Variants in PDIA6 observed in about 807,000 individuals in gnomAD.
PDIA6 encodes the protein protein disulfide isomerase family A member 6, also known as protein disulfide-isomerase A6.
Under a neutral mutation model 58.4 loss-of-function variants are expected in PDIA6, and 29 were observed. The observed-to-expected ratio is 0.50, with a 90% CI of 0.37 to 0.68. The LOEUF (loss-of-function observed/expected upper bound fraction) is 0.68. Ranked by LOEUF, PDIA6 falls within the 30% of genes least tolerant of loss-of-function variation. PDIA6 has a pLI of 0.00. For missense variants in PDIA6, 480 were observed against 551.0 expected (o/e 0.87, Z 1.29); for synonymous variants, 192 against 202.6 (o/e 0.95, Z 0.44).
chr2:10,815,910 C>T (rs917183966), upstream of PDIA6, among the ~76,000 whole-genome samples: 4 of 151,990 alleles, frequency 2.6e-5, no homozygotes, highest in Admixed American at 6.6e-5. Flanking sequence ...AGAACCATCC[C>T]CACTAATCAT....
chr2:10,801,813 T>C (rs1490448103), intron 2 of PDIA6, among the ~76,000 whole-genome samples: 1 of 152,232 alleles, frequency 6.6e-6, no homozygotes, highest in African/African-American at 2.4e-5. Context: ...CCCATCAGGT[T>C]CTAATATCCC....
chr2:10,814,394 T>C (rs1045662090), upstream of PDIA6, among the ~76,000 whole-genome samples: 1 of 152,140 alleles, frequency 6.6e-6, no homozygotes, highest in African/African-American at 2.4e-5. Flanking sequence ...GGGCAGCTCC[T>C]CCTGAATGTG....
chr2:10,814,008 A>G (rs1331134756), upstream of PDIA6, among the ~76,000 whole-genome samples: 1 of 150,314 alleles, frequency 6.7e-6, no homozygotes, highest in Non-Finnish European at 1.5e-5. Context: ...TACAGTTGTG[A>G]GCCACCACGC....
upstream of PDIA6, among the ~76,000 whole-genome samples, chr2:10,833,042 A>G (rs993540288): frequency 6.6e-6 from 1 of 151,862 alleles, no homozygotes; most frequent in Admixed American, 6.5e-5. Flanking sequence ...CTCACAGATG[A>G]TATTGGGGCA....
At chr2:10,817,792 C>T (rs1209251510) in intron 2 of PDIA6, among the ~76,000 whole-genome samples, 1 of 152,214 alleles carries the variant, frequency 6.6e-6, no homozygotes, top group Non-Finnish European at 1.5e-5. Context: ...TCAGTGCCAC[C>T]CTCCAACCTG....
rs1553337108 is a variant in PDIA6, at chr2:10,787,235, C to T, written c.1157+46G>A. 12 of 1,562,964 alleles carry T rather than the reference C, an allele frequency of 7.7e-6. No individual in the cohort carries two copies. In the South Asian group the frequency reaches 1.3e-4, roughly 17 times the overall value. On this transcript the variant is annotated intron_variant, in intron 11 of 12. Coordinates refer to ENST00000272227, the MANE Select transcript of PDIA6 (RefSeq NM_005742.4). ...TTCCAAATATAAACCTACAACAGAACCAAACAAACAGACAAAACAACAAAC... is the reference window on the plus strand; with the variant it reads ...TTCCAAATATAAACCTACAACAGAATCAAACAAACAGACAAAACAACAAAC...
intron 5 of PDIA6, 27 bp downstream of exon 5, chr2:10,793,069 T>C (rs17455876): frequency 4.7e-6 from 7 of 1,493,524 alleles, no homozygotes; most frequent in South Asian, 2.3e-5. Flanking sequence ...TTATGACACA[T>C]TAAAAACTGA....
At chr2:10,837,147 C>G (rs1281111340), upstream of PDIA6, among the ~76,000 whole-genome samples, 1 of 152,152 alleles carries the variant, frequency 6.6e-6, no homozygotes, top group Non-Finnish European at 1.5e-5. Context: ...TGCCTCTGTT[C>G]TCACTGTCAC....
At chr2:10,802,739 C>T in intron 1 of PDIA6, 99 bp from the exon 2 acceptor site, 1 of 935,556 alleles carries the variant, frequency 1.1e-6, no homozygotes, top group Non-Finnish European at 1.5e-6. Context: ...CAGGGCCCTT[C>T]ACACAGGAGG....
At chr2:10,823,868 G>A (rs1410571732) in intron 1 of PDIA6, among the ~76,000 whole-genome samples, 1 of 151,418 alleles carries the variant, frequency 6.6e-6, no homozygotes, top group Non-Finnish European at 1.5e-5. Context: ...CTCCCTGGGG[G>A]CAGCTTACAT....
At chr2:10,837,077 G>T (rs535892908), upstream of PDIA6, among the ~76,000 whole-genome samples, 98 of 152,330 alleles carry the variant, frequency 6.4e-4, no homozygotes, top group African/African-American at 2.2e-3. Flanking sequence ...ATCTGCCTGG[G>T]CTTGATGCTG....
chr2:10,828,194 C>T (rs948983058), intron 1 of PDIA6, among the ~76,000 whole-genome samples: 3 of 152,358 alleles, frequency 2.0e-5, no homozygotes, highest in South Asian at 2.1e-4. Context: ...AGATGACACA[C>T]ATCTACTCTT....
In PDIA6 at chr2:10,785,050, A is replaced by AAC. The variant is rs762790761; in HGVS notation, c.1158-22_1158-21dup. ...AGCTCCCTTAGGGAAAAATGACCAA[A>AAC]ACACACACACACATTTACAATGGAC... is the stretch of plus-strand genomic sequence containing the variant. On this transcript the variant is annotated intron_variant, in intron 11 of 12. Transcript: ENST00000272227. The AAC allele has an allele frequency of 8.2e-6, 12 of 1,460,846 alleles. No homozygotes were observed. The highest frequency in any genetic ancestry group is 1.9e-5 in the Admixed American group (1 of 51,990). The allele number at this position is 1,460,846 out of a possible 1,614,324, so 90.5% of individuals were successfully genotyped here. A position where few individuals can be genotyped will look rare whatever the true frequency, so the allele number is the denominator to read the frequency against.
upstream of PDIA6, among the ~76,000 whole-genome samples, chr2:10,814,207 G>T (rs1667120122): frequency 6.6e-6 from 1 of 152,196 alleles, no homozygotes; most frequent in Non-Finnish European, 1.5e-5. Flanking sequence ...CGGCTGGTGG[G>T]CTTCCTGGAG....
At chr2:10,821,141 G>A (rs867222885) in intron 1 of PDIA6, 1 of 329,738 alleles carries the variant, frequency 3.0e-6, no homozygotes. Flanking sequence ...CATCCTTTAT[G>A]GCCCAGCTGA....
rs896567761 is a variant in PDIA6, at chr2:10,788,927, C to A, written c.895G>T (p.Val299Leu). Residue 299 changes from valine (V) to leucine (L), a missense_variant, in exon 9 of 13, where the codon GTG (valine) becomes TTG (leucine). Coordinates refer to ENST00000272227, the MANE Select transcript of PDIA6 (RefSeq NM_005742.4). ...RTCEEHQLCV[V>L]AVLPHILDTG... ...TCAAGGATATGGGGCAGCACAGCCA[C>A]AACACAGAGCTGGTGCTCCTCACAC... The A allele has an allele frequency of 1.2e-6, 2 of 1,614,010 alleles. No individual in the cohort carries two copies. Among genetic ancestry groups the A allele is most frequent in the African/African-American group, 2.7e-5 (2 of 74,936 alleles).
chr2:10,789,697 T>C, intron 8 of PDIA6, 52 bp downstream of exon 8: 1 of 1,552,994 alleles, frequency 6.4e-7, no homozygotes, highest in Non-Finnish European at 8.9e-7. Context: ...TTAACATTCC[T>C]CACCATCAGC....
chr2:10,805,879 G>A (rs1220593772), intron 1 of PDIA6, among the ~76,000 whole-genome samples: 1 of 76,132 alleles, frequency 1.3e-5, no homozygotes, highest in East Asian at 4.3e-4. Flanking sequence ...ATGGACACAG[G>A]AAGGGGAATA....
At chr2:10,824,710 G>A (rs1667501105) in intron 1 of PDIA6, among the ~76,000 whole-genome samples, 2 of 152,246 alleles carry the variant, frequency 1.3e-5, no homozygotes, top group African/African-American at 2.4e-5. Context: ...AAACAGTCAC[G>A]GAGAAATGGA....
Sources: allele counts gnomAD v4.1 joint callset (sites outside exome capture counted in the v4.1 genomes callset), GRCh38; gene constraint gnomAD v4.1.1; transcripts MANE v1.5; gene names NCBI Gene and HGNC (gene_info 2026-07-23, HGNC 2026-07-21).